Variants in SMOC2 observed in about 807,000 individuals in gnomAD.
SMOC2 encodes the protein SPARC-related modular calcium-binding protein 2.
Under a neutral mutation model 61.4 loss-of-function variants are expected in SMOC2, and 39 were observed. That is an observed-to-expected ratio of 0.64 (90% CI 0.49 to 0.83). The LOEUF (loss-of-function observed/expected upper bound fraction) is 0.83, where lower values mean the gene tolerates loss of function less well. SMOC2 is among the 40% of genes least tolerant of loss of function. SMOC2 has a pLI of 0.00. For missense variants in SMOC2, 556 were observed against 592.9 expected, an observed-to-expected ratio of 0.94 and a Z score of 0.65; for synonymous variants, 247 against 239.9, an observed-to-expected ratio of 1.03 and a Z score of -0.27.
rs201882543 is a variant in SMOC2, at chr6:168,559,576, ATAAT to A, written c.637+10378_637+10381del. Among the ~76,000 whole-genome samples the A allele has an allele frequency of 3.6e-3, 553 of 152,330 alleles. 3 individuals carry two copies. The highest frequency in any genetic ancestry group is 0.012 in the African/African-American group (501 of 41,564). On this transcript the variant is annotated intron_variant, in intron 7 of 12. Coordinates refer to ENST00000356284, the MANE Select transcript of SMOC2 (RefSeq NM_001166412.2). ...CATCAGTTAGCTTAAAGACCCACAG[ATAAT>A]TAATATGGCCCATGAATAATATGAC...
chr6:168,455,591 T>C (rs965064812), intron 1 of SMOC2, among the ~76,000 whole-genome samples: 3 of 152,246 alleles, frequency 2.0e-5, no homozygotes, highest in Non-Finnish European at 4.4e-5. Context: ...CATTTGATAC[T>C]TCTTCACCTT....
intron 8 of SMOC2, among the ~76,000 whole-genome samples, chr6:168,604,372 A>G (rs1785633576): frequency 6.6e-6 from 1 of 152,032 alleles, no homozygotes; most frequent in Admixed American, 6.5e-5. Context: ...TGAATTGATC[A>G]CCTAGGGAGA....
At chr6:168,449,785 A>G (rs1346750373) in intron 1 of SMOC2, among the ~76,000 whole-genome samples, 1 of 152,242 alleles carries the variant, frequency 6.6e-6, no homozygotes, top group Non-Finnish European at 1.5e-5. Flanking sequence ...AATGAAGCAT[A>G]AAATAAACAC....
chr6:168,515,651 C>G (rs1265498334), intron 2 of SMOC2, among the ~76,000 whole-genome samples: 1 of 152,288 alleles, frequency 6.6e-6, no homozygotes, highest in Non-Finnish European at 1.5e-5. Context: ...GGGGCCGGCT[C>G]CTTCCTCTAG....
intron 1 of SMOC2, among the ~76,000 whole-genome samples, chr6:168,443,773 C>T (rs1781270077): frequency 6.6e-6 from 1 of 152,206 alleles, no homozygotes; most frequent in Non-Finnish European, 1.5e-5. Flanking sequence ...CGATTTGCAT[C>T]CTACCTACTT....
rs1203794474 is a variant in SMOC2 at position 168,509,775 on chromosome 6, G to T, written c.85-140G>T. ...GTTCAGAGGTGCACGTGGCGCTTCT[G>T]GCAGGGGTGAGAACCGGGTGGTGTT... On this transcript the variant is annotated intron_variant, in intron 1 of 12. Transcript: ENST00000356284. 1.3e-5 allele frequency: 9 copies of T among 683,186 alleles called. No homozygotes were observed. The Admixed American group carries it at 2.5e-4, about 19-fold the overall frequency. 42.3% of individuals were successfully genotyped at this position (683,186 alleles called of 1,614,324 possible).
intron 12 of SMOC2, among the ~76,000 whole-genome samples, chr6:168,665,701 T>A (rs1217278030): frequency 6.6e-6 from 1 of 152,268 alleles, no homozygotes; most frequent in Non-Finnish European, 1.5e-5. Flanking sequence ...GTTGTCTTTC[T>A]GTGCAACTAA....
At chr6:168,543,222 C>G (rs1283225773) in intron 4 of SMOC2, among the ~76,000 whole-genome samples, 2 of 152,202 alleles carry the variant, frequency 1.3e-5, no homozygotes, top group South Asian at 2.1e-4. Flanking sequence ...AAGCTGAAAT[C>G]AGGGTTTTTA....
chr6:168,530,647 C>CGCCCCCACA (rs1783571596), intron 4 of SMOC2, among the ~76,000 whole-genome samples: 1 of 132,978 alleles, frequency 7.5e-6, no homozygotes, highest in African/African-American at 2.8e-5. Flanking sequence ...ACCCCCCCCC[C>CGCCCCCACA]CCCGCCCCCA....
intron 7 of SMOC2, among the ~76,000 whole-genome samples, chr6:168,562,340 G>A (rs1426261911): frequency 3.1e-5 from 4 of 130,662 alleles, no homozygotes; most frequent in African/African-American, 6.5e-5. Flanking sequence ...CTCTCACTGT[G>A]TTCTCGGAGG....
At chr6:168,463,573 G>A (rs1313308198) in intron 1 of SMOC2, among the ~76,000 whole-genome samples, 1 of 152,150 alleles carries the variant, frequency 6.6e-6, no homozygotes, top group Non-Finnish European at 1.5e-5. Flanking sequence ...CAGGAGCCAG[G>A]GGAGTGTGAG....
chr6:168,662,452 G>A (rs1379760139), intron 11 of SMOC2, among the ~76,000 whole-genome samples: 2 of 152,176 alleles, frequency 1.3e-5, no homozygotes, highest in African/African-American at 2.4e-5. Flanking sequence ...CAGCAGGAAC[G>A]CCATGCCCAG....
chr6:168,653,263 G>T, intron 11 of SMOC2, 35 bp downstream of exon 11: 1 of 1,595,332 alleles, frequency 6.3e-7, no homozygotes, highest in Non-Finnish European at 8.5e-7. Context: ...CTGGGCAGTG[G>T]TCAGGCCCTG....
intron 7 of SMOC2, among the ~76,000 whole-genome samples, chr6:168,580,346 G>A (rs1007229079): frequency 5.3e-5 from 8 of 152,070 alleles, no homozygotes; most frequent in Admixed American, 3.3e-4. Flanking sequence ...TCCTTTTCAC[G>A]GGTATTCCTG....
intron 1 of SMOC2, among the ~76,000 whole-genome samples, chr6:168,462,624 G>C (rs941087462): frequency 3.9e-5 from 6 of 152,132 alleles, no homozygotes; most frequent in Admixed American, 6.5e-5. Context: ...TATGATGAAT[G>C]ACACGAAGTC....
intron 9 of SMOC2, among the ~76,000 whole-genome samples, chr6:168,630,343 A>G (rs964052884): frequency 1.3e-5 from 2 of 152,220 alleles, no homozygotes; most frequent in Non-Finnish European, 2.9e-5. Context: ...TAATACTTTT[A>G]TAATTTCTTA....
rs1782234828 is a variant in SMOC2, at chr6:168,482,645, A to G, written c.85-27270A>G. On this transcript the variant is annotated intron_variant, in intron 1 of 12. Transcript: ENST00000356284. ...AATATCCCTTATGAACATCGATGCCAAAATCTTCAACAAAATGTAGCAAAC... is the reference window on the plus strand; with the variant it reads ...AATATCCCTTATGAACATCGATGCCGAAATCTTCAACAAAATGTAGCAAAC... 2.0e-5 allele frequency among the ~76,000 whole-genome samples: 3 copies of G among 152,132 alleles called. No homozygotes were observed. The South Asian group carries it at 6.2e-4, about 31-fold the overall frequency.
chr6:168,444,784 A>G (rs971787971), intron 1 of SMOC2, among the ~76,000 whole-genome samples: 1 of 152,160 alleles, frequency 6.6e-6, no homozygotes, highest in African/African-American at 2.4e-5. Flanking sequence ...CGTGATCACA[A>G]TTACTCAACT....
intron 1 of SMOC2, among the ~76,000 whole-genome samples, chr6:168,476,466 C>CTGTGTGTGTGTGTG (rs1191864533): frequency 3.6e-5 from 5 of 139,778 alleles, no homozygotes; most frequent in African/African-American, 1.5e-4. Context: ...ATCTTTTATC[C>CTGTGTGTGTGTGTG]TGTGTGTGTG....
Sources: allele counts gnomAD v4.1 joint callset (sites outside exome capture counted in the v4.1 genomes callset), GRCh38; gene constraint gnomAD v4.1.1; transcripts MANE v1.5; gene names NCBI Gene and HGNC (gene_info 2026-07-23, HGNC 2026-07-21).